Variants in SF3B1 observed in about 807,000 individuals in gnomAD.
SF3B1 encodes pre-mRNA processing 10.
A neutral mutation model predicts 153.8 loss-of-function variants in SF3B1; 12 were observed. The ratio of observed to expected loss-of-function variants is 0.08; its 90% confidence interval spans 0.05 to 0.13. The LOEUF (loss-of-function observed/expected upper bound fraction) is 0.13. SF3B1 is among the 10% of genes least tolerant of loss of function. The pLI is 1.00. For synonymous variants in SF3B1, 498 were observed against 525.2 expected, an observed-to-expected ratio of 0.95 and a Z score of 0.71; for missense variants, 513 against 1,606.1, an observed-to-expected ratio of 0.32 and a Z score of 11.63.
chr2:197,423,260 G>A (rs548987154), intron 2 of SF3B1, among the ~76,000 whole-genome samples: 2 of 151,266 alleles, frequency 1.3e-5, no homozygotes, highest in East Asian at 2.0e-4. Flanking sequence ...GGTAGCAGGC[G>A]CCTGTAATCC....
At chr2:197,428,428 A>T (rs2085369127) in intron 1 of SF3B1, among the ~76,000 whole-genome samples, 1 of 152,194 alleles carries the variant, frequency 6.6e-6, no homozygotes, top group South Asian at 2.1e-4. Flanking sequence ...GTAAAATTCC[A>T]CTTCAAATTT....
At chr2:197,394,286 C>T (rs766865677) in intron 23 of SF3B1, among the ~76,000 whole-genome samples, 7 of 152,236 alleles carry the variant, frequency 4.6e-5, no homozygotes, top group East Asian at 3.9e-4. Flanking sequence ...TGGGGTCAAG[C>T]GATCCTCCCA....
chr2:197,422,717 C>T (rs914928489), intron 2 of SF3B1, among the ~76,000 whole-genome samples: 1 of 151,696 alleles, frequency 6.6e-6, no homozygotes, highest in Non-Finnish European at 1.5e-5. Context: ...GGTGAAACCC[C>T]GTCTCTACTA....
chr2:197,417,351 G>C (rs994915771), intron 5 of SF3B1, among the ~76,000 whole-genome samples: 1 of 151,954 alleles, frequency 6.6e-6, no homozygotes, highest in African/African-American at 2.4e-5. Flanking sequence ...AGTGATAATG[G>C]ATGCACATTT....
intron 22 of SF3B1, among the ~76,000 whole-genome samples, chr2:197,397,573 C>T (rs1235789490): frequency 6.6e-6 from 1 of 152,142 alleles, no homozygotes; most frequent in African/African-American, 2.4e-5. Context: ...AGATAGGTGG[C>T]TCACTTGAGG....
At chr2:197,428,801 A>G (rs1424994161) in intron 1 of SF3B1, among the ~76,000 whole-genome samples, 3 of 152,190 alleles carry the variant, frequency 2.0e-5, no homozygotes. Context: ...AGGCTGAGGC[A>G]TGAGAATCGC....
intron 1 of SF3B1, among the ~76,000 whole-genome samples, chr2:197,432,007 T>A (rs2085447082): frequency 1.3e-5 from 2 of 152,018 alleles, no homozygotes; most frequent in South Asian, 2.1e-4. Flanking sequence ...CGCCTGTAGT[T>A]GTAGCTACTC....
chr2:197,403,078 T>A, intron 12 of SF3B1, 43 bp from the exon 13 acceptor site: 1 of 1,350,180 alleles, frequency 7.4e-7, no homozygotes, highest in Non-Finnish European at 1.1e-6. Context: ...TCACATCAAT[T>A]ACTGATGAAA....
At position 197,408,175 on chromosome 2, in the gene SF3B1, T is replaced by C. The variant is rs13430070; in HGVS notation, c.1118-56A>G. On this transcript the variant is annotated intron_variant, in intron 8 of 24. Coordinates refer to ENST00000335508, the MANE Select transcript of SF3B1 (RefSeq NM_012433.4). Reference sequence around the variant, plus strand: ...TATAGTACAAGACTGTATTATTACATACATTGAGATAAAAGACAGTTAAGA... The same window carrying C: ...TATAGTACAAGACTGTATTATTACACACATTGAGATAAAAGACAGTTAAGA... The C allele has an allele frequency of 8.1e-3, 11,788 of 1,462,200 alleles. 733 individuals are homozygous for C. The African/African-American group carries it at 0.14, about 17-fold the overall frequency. The allele number at this position is 1,462,200 out of a possible 1,614,324, so 90.6% of individuals were successfully genotyped here. A position where few individuals can be genotyped will look rare whatever the true frequency, so the allele number is the denominator to read the frequency against.
In SF3B1 at chr2:197,410,009, T is replaced by A. The variant is rs1424920748; in HGVS notation, c.667-2A>T. The stretch of plus-strand genomic sequence containing the variant: ...TAAGGAAGGAGTATGCCCAGGGGTC[T>A]TAAAAAAGCAAAAAAATTTTATTTC... On this transcript the variant is annotated splice_acceptor_variant, in intron 6 of 24. Transcript: ENST00000335508. LOFTEE classifies it high-confidence loss of function. The A allele has an allele frequency of 2.5e-6, 4 of 1,582,048 alleles. No homozygotes were observed. The Admixed American group carries it at 5.6e-5, about 22-fold the overall frequency.
chr2:197,409,659 A>T, intron 7 of SF3B1, 111 bp downstream of exon 7: 2 of 850,818 alleles, frequency 2.4e-6, no homozygotes, highest in Non-Finnish European at 3.9e-6. Context: ...CTGTCCCCCA[A>T]AAGCAGCTGG....
chr2:197,414,364 C>T (rs745314220), intron 6 of SF3B1, among the ~76,000 whole-genome samples: 3 of 152,038 alleles, frequency 2.0e-5, no homozygotes, highest in Admixed American at 1.3e-4. Context: ...AGGGATTGAG[C>T]ACAGATGGAA....
chr2:197,428,099 A>G (rs2085364115), intron 1 of SF3B1, among the ~76,000 whole-genome samples: 2 of 152,092 alleles, frequency 1.3e-5, no homozygotes, highest in African/African-American at 4.8e-5. Context: ...AGATCACTTG[A>G]GTTCACAAGT....
At position 197,400,701 on chromosome 2, in the gene SF3B1, A is replaced by G. The variant is rs897994683; in HGVS notation, c.2718+14T>C. 5 of 1,539,140 alleles carry G rather than the reference A, an allele frequency of 3.2e-6. No homozygotes were observed. Among genetic ancestry groups the G allele is most frequent in the Middle Eastern group, 1.7e-4 (1 of 5,880 alleles). ...TTAAAGTTAGTAGCAATGTGCCATA[A>G]TAGTTTTCATTACCTCTGTAGTCTG... is the stretch of plus-strand genomic sequence containing the variant. On this transcript the variant is annotated intron_variant, in intron 18 of 24. Coordinates refer to ENST00000335508, the MANE Select transcript of SF3B1 (RefSeq NM_012433.4). The surrounding 1 kb of genome is among the most constrained non-coding windows in gnomAD (Gnocchi z 5.0).
chr2:197,424,036 C>A, intron 1 of SF3B1, 62 bp from the exon 2 acceptor site: 1 of 1,330,148 alleles, frequency 7.5e-7, no homozygotes, highest in Non-Finnish European at 1.1e-6. Flanking sequence ...CAACACAATG[C>A]ATTTCTTTAC....
In SF3B1 at chr2:197,423,955, T is replaced by G; in HGVS notation, c.48A>C (p.Arg16=). Residue 16 remains arginine, a synonymous_variant, in exon 2 of 25, where the codon CGA becomes CGC. Coordinates refer to ENST00000335508, the MANE Select transcript of SF3B1 (RefSeq NM_012433.4). ...GAGCTGCCTTCTTGCCTTGAATTTC[T>G]CGAATCTGTGCTTCAATATCTATAA... ...KTHEDIEAQI[R]EIQGKKAALD... 6.2e-7 allele frequency: 1 copy of G among 1,610,140 alleles called. No homozygotes were observed.
intron 6 of SF3B1, among the ~76,000 whole-genome samples, chr2:197,410,779 C>T (rs1381739053): frequency 1.3e-5 from 2 of 152,168 alleles, no homozygotes; most frequent in Non-Finnish European, 2.9e-5. Context: ...GCTGGGATTA[C>T]AGGCGTGAGC....
rs1657323623 is a variant in SF3B1 at position 197,393,116 on chromosome 2, A to G, written c.3612T>C (p.Cys1204=). Residue 1204 remains cysteine, a synonymous_variant, in exon 24 of 25, where the codon TGT becomes TGC. Transcript: ENST00000335508. ...TCAACAAGTGATTCAGCGAATCTTC[A>G]CAACCAAATCCATAAACCCCAAGTG... The part of the protein sequence containing the change: ...HMSLGVYGFG[C]EDSLNHLLNY... 7 of 1,613,908 alleles carry G rather than the reference A, an allele frequency of 4.3e-6. No homozygotes were observed. Among genetic ancestry groups the G allele is most frequent in the Middle Eastern group, 3.3e-4 (2 of 6,084 alleles).
At chr2:197,412,797 C>T (rs1319426435) in intron 6 of SF3B1, among the ~76,000 whole-genome samples, 1 of 150,742 alleles carries the variant, frequency 6.6e-6, no homozygotes, top group African/African-American at 2.4e-5. Flanking sequence ...CCAGCCTGGC[C>T]AACACTGCGA....
Sources: gnomAD v4.1 joint callset for allele counts (sites outside exome capture counted in the v4.1 genomes callset) on GRCh38, gnomAD v4.1.1 for gene constraint, Gnocchi (gnomAD v3.1) non-coding constraint, MANE v1.5 for transcripts, NCBI Gene and HGNC (gene_info 2026-07-23, HGNC 2026-07-21) for gene names.